The following TENM3 variants were observed in gnomAD, a reference collection of about 807,000 sequenced individuals.
TENM3 encodes teneurin-3.
In TENM3, 63 loss-of-function variants were observed where a neutral mutation model predicts 255.1. The observed-to-expected ratio is 0.25, with a 90% confidence interval of 0.20 to 0.30. The LOEUF is 0.30. Among genes scored for constraint, TENM3 ranks in the 10% least tolerant of loss-of-function variants. TENM3 has a pLI of 1.00. For synonymous variants in TENM3, 1,306 were observed against 1,322.3 expected (o/e 0.99, Z 0.27); for missense variants, 2,929 against 3,461.1 (o/e 0.85, Z 3.86).
At chr4:182,232,519 A>T (rs112313629) in intron 1 of TENM3, among the ~76,000 whole-genome samples, 3,506 of 152,232 alleles carry the variant, frequency 0.023, 128 homozygotes, top group African/African-American at 0.079. Flanking sequence ...AGGTCAAGAG[A>T]TGGAGACCAT....
chr4:181,459,638 C>T, the TENM3 span, among the ~76,000 whole-genome samples: 2 of 151,946 alleles, frequency 1.3e-5, no homozygotes, highest in East Asian at 3.9e-4. Context: ...GAATTGACCA[C>T]ATAAGATGGG....
intron 1 of TENM3, among the ~76,000 whole-genome samples, chr4:182,249,543 T>C (rs1160307267): frequency 6.6e-6 from 1 of 152,092 alleles, no homozygotes; most frequent in Non-Finnish European, 1.5e-5. Context: ...AATCTTCTGC[T>C]CCATCGTAGA....
At chr4:181,885,148 C>T in the TENM3 span, among the ~76,000 whole-genome samples, 3 of 152,142 alleles carry the variant, frequency 2.0e-5, no homozygotes, top group African/African-American at 7.2e-5. Flanking sequence ...TCCCCTTGTT[C>T]TGAGCAGCTA....
chr4:181,451,970 G>GAGGAGA, the TENM3 span, among the ~76,000 whole-genome samples: 1 of 152,104 alleles, frequency 6.6e-6, no homozygotes, highest in Non-Finnish European at 1.5e-5. Context: ...GCACCTTGGA[G>GAGGAGA]AGGAGAATGA....
At chr4:181,493,750 G>T in the TENM3 span, among the ~76,000 whole-genome samples, 2 of 151,808 alleles carry the variant, frequency 1.3e-5, no homozygotes, top group African/African-American at 4.8e-5. Flanking sequence ...ATCTCAAAAA[G>T]TAATAAAATA....
the TENM3 span, among the ~76,000 whole-genome samples, chr4:181,650,078 T>C: frequency 6.6e-6 from 1 of 152,160 alleles, no homozygotes; most frequent in African/African-American, 2.4e-5. Context: ...ATTATAAGAA[T>C]CTGAGAAGGT....
intron 11 of TENM3, among the ~76,000 whole-genome samples, 161 bp from the exon 12 acceptor site, chr4:182,688,005 G>A (rs1446643591): frequency 6.6e-6 from 1 of 152,164 alleles, no homozygotes; most frequent in Non-Finnish European, 1.5e-5. Context: ...CTAGTAGTCA[G>A]TGCTGAAATT....
chr4:182,161,535 C>T (rs188577980), intron 1 of TENM3, among the ~76,000 whole-genome samples: 6 of 138,478 alleles, frequency 4.3e-5, no homozygotes, highest in Admixed American at 1.5e-4. Flanking sequence ...TGCAATGAGC[C>T]GAGATCACGC....
chr4:182,075,674 T>A, the TENM3 span, among the ~76,000 whole-genome samples: 1 of 152,102 alleles, frequency 6.6e-6, no homozygotes, highest in Non-Finnish European at 1.5e-5. Context: ...ATGCGTTCCT[T>A]TTCTTCTGTC....
the TENM3 span, among the ~76,000 whole-genome samples, chr4:181,538,405 G>A: frequency 3.3e-5 from 5 of 152,002 alleles, no homozygotes; most frequent in Non-Finnish European, 5.9e-5. Context: ...GTAAACGCTC[G>A]GAACATAAAA....
the TENM3 span, among the ~76,000 whole-genome samples, chr4:181,836,482 T>G: frequency 6.6e-6 from 1 of 152,182 alleles, no homozygotes; most frequent in Non-Finnish European, 1.5e-5. Flanking sequence ...GTATGAGGGA[T>G]GGGTTCAATT....
the TENM3 span, among the ~76,000 whole-genome samples, chr4:181,714,070 C>T: frequency 1.3e-5 from 2 of 152,164 alleles, no homozygotes; most frequent in Non-Finnish European, 2.9e-5. Flanking sequence ...ATCCCCTGGG[C>T]ATAGTGGTCC....
intron 2 of TENM3, among the ~76,000 whole-genome samples, chr4:182,336,255 A>G (rs1439418888): frequency 1.3e-5 from 2 of 152,178 alleles, no homozygotes; most frequent in East Asian, 3.9e-4. Flanking sequence ...TTCATGGGAA[A>G]ATGCATACTG....
chr4:182,176,264 G>A (rs1752483390), intron 1 of TENM3, among the ~76,000 whole-genome samples: 1 of 152,154 alleles, frequency 6.6e-6, no homozygotes, highest in Non-Finnish European at 1.5e-5. Context: ...GGTTAAGAGC[G>A]TGGGCTTCAA....
At chr4:182,328,770 G>A (rs1763579165) in intron 2 of TENM3, among the ~76,000 whole-genome samples, 1 of 152,012 alleles carries the variant, frequency 6.6e-6, no homozygotes, top group Non-Finnish European at 1.5e-5. Flanking sequence ...AGCACTCCCA[G>A]CCCCCAGAAG....
the TENM3 span, among the ~76,000 whole-genome samples, chr4:181,748,916 AT>A: frequency 0.014 from 2,162 of 152,214 alleles, 54 homozygotes; most frequent in African/African-American, 0.049. Flanking sequence ...ATTCTAAAAT[AT>A]TTTTCAAATA....
chr4:182,704,776 G>T (rs1427079902), intron 12 of TENM3, among the ~76,000 whole-genome samples: 1 of 149,962 alleles, frequency 6.7e-6, no homozygotes, highest in Non-Finnish European at 1.5e-5. Flanking sequence ...AATTGTAGGG[G>T]AGCAGATCCC....
chr4:181,638,990 G>A, the TENM3 span, among the ~76,000 whole-genome samples: 1 of 152,156 alleles, frequency 6.6e-6, no homozygotes, highest in African/African-American at 2.4e-5. Flanking sequence ...ATTCACAGAT[G>A]ATCTAACTGG....
chr4:182,209,381 G>C (rs553564812), intron 1 of TENM3, among the ~76,000 whole-genome samples: 2 of 151,702 alleles, frequency 1.3e-5, no homozygotes, highest in South Asian at 4.2e-4. Flanking sequence ...CCTTGTGTGC[G>C]TGTGGCCCCA....
Sources: allele counts gnomAD v4.1 joint callset (sites outside exome capture counted in the v4.1 genomes callset), GRCh38; gene constraint gnomAD v4.1.1; transcripts MANE v1.5; gene names NCBI Gene and HGNC (gene_info 2026-07-23, HGNC 2026-07-21).